Variants in SLC24A2 observed in about 807,000 individuals in gnomAD.
SLC24A2 encodes sodium/potassium/calcium exchanger 2.
In SLC24A2, 36 loss-of-function variants were observed where a neutral mutation model predicts 62.0. The observed-to-expected ratio is 0.58, with a 90% CI of 0.44 to 0.77. SLC24A2 has a LOEUF of 0.77. Among genes scored for constraint, SLC24A2 ranks in the 30% least tolerant of loss-of-function variants. SLC24A2 has a pLI of 0.00. For missense variants in SLC24A2, 846 were observed against 817.9 expected, an observed-to-expected ratio of 1.03 and a Z score of -0.42; for synonymous variants, 358 against 294.0, an observed-to-expected ratio of 1.22 and a Z score of -2.23.
chr9:19,936,419 G>T, the SLC24A2 span, among the ~76,000 whole-genome samples: 1 of 152,110 alleles, frequency 6.6e-6, no homozygotes, highest in Non-Finnish European at 1.5e-5. Flanking sequence ...GACTACAAGT[G>T]TACACCACCA....
the SLC24A2 span, among the ~76,000 whole-genome samples, chr9:20,214,989 T>C: frequency 8.5e-5 from 13 of 152,248 alleles, no homozygotes; most frequent in African/African-American, 1.9e-4. Flanking sequence ...CTAATGCATA[T>C]ATCTGTACAT....
the SLC24A2 span, among the ~76,000 whole-genome samples, chr9:20,075,762 A>G: frequency 6.6e-6 from 1 of 152,138 alleles, no homozygotes. Context: ...ACACTGCTGG[A>G]AAAAAATGGC....
chr9:19,837,924 C>G, the SLC24A2 span, among the ~76,000 whole-genome samples: 1 of 152,020 alleles, frequency 6.6e-6, no homozygotes, highest in Admixed American at 6.6e-5. Context: ...AAAGAGGTTA[C>G]AAACAAATGG....
chr9:20,178,238 G>T, the SLC24A2 span, among the ~76,000 whole-genome samples: 9,209 of 152,216 alleles, frequency 0.06, 361 homozygotes, highest in Non-Finnish European at 0.087. Context: ...TTCAGCAAGA[G>T]AAAATGTTTC....
chr9:20,104,192 G>A, the SLC24A2 span, among the ~76,000 whole-genome samples: 1 of 152,166 alleles, frequency 6.6e-6, no homozygotes, highest in Non-Finnish European at 1.5e-5. Flanking sequence ...AGAAATATGG[G>A]ACTATGTGAA....
At chr9:19,755,559 T>G (rs1177122749) in intron 2 of SLC24A2, among the ~76,000 whole-genome samples, 1 of 152,170 alleles carries the variant, frequency 6.6e-6, no homozygotes, top group African/African-American at 2.4e-5. Flanking sequence ...GAGGGGAAAT[T>G]ACAGCAAGAG....
chr9:20,024,474 A>G, the SLC24A2 span, among the ~76,000 whole-genome samples: 1 of 152,138 alleles, frequency 6.6e-6, no homozygotes, highest in African/African-American at 2.4e-5. Context: ...TTACTACCGA[A>G]TTTTTGACAA....
the SLC24A2 span, among the ~76,000 whole-genome samples, chr9:20,007,183 A>C: frequency 6.6e-6 from 1 of 152,180 alleles, no homozygotes; most frequent in African/African-American, 2.4e-5. Context: ...AACAGTTTTC[A>C]CAAGATCAAT....
the SLC24A2 span, among the ~76,000 whole-genome samples, chr9:19,993,316 T>G: frequency 1.3e-5 from 2 of 152,170 alleles, no homozygotes; most frequent in African/African-American, 2.4e-5. Context: ...ATTTAAAAAA[T>G]CAATACACTT....
chr9:20,200,800 G>A, the SLC24A2 span, among the ~76,000 whole-genome samples: 3 of 152,192 alleles, frequency 2.0e-5, no homozygotes, highest in Admixed American at 6.5e-5. Context: ...ATTGGTAGCT[G>A]TAAGGGTTGA....
the SLC24A2 span, among the ~76,000 whole-genome samples, chr9:20,243,007 T>C: frequency 2.6e-5 from 4 of 152,178 alleles, no homozygotes; most frequent in Non-Finnish European, 4.4e-5. Flanking sequence ...TGCCAAGACC[T>C]TTCTTCAATA....
the SLC24A2 span, among the ~76,000 whole-genome samples, chr9:20,240,364 A>G: frequency 6.6e-6 from 1 of 152,314 alleles, no homozygotes; most frequent in Non-Finnish European, 1.5e-5. Flanking sequence ...AGCTGGCCCT[A>G]AGGCTAAGTG....
At chr9:19,768,788 G>A (rs1460032125) in intron 2 of SLC24A2, among the ~76,000 whole-genome samples, 2 of 152,152 alleles carry the variant, frequency 1.3e-5, no homozygotes, top group Non-Finnish European at 2.9e-5. Context: ...GAAAAGGAGG[G>A]ACTACTGTGC....
rs775647494 is a variant in SLC24A2 at position 19,516,215 on chromosome 9, C to A, written c.1924G>T (p.Val642Leu). Residue 642 changes from valine (V) to leucine (L), a missense_variant, in exon 11 of 11, where the codon GTG becomes TTG. Val to Leu is a conservative substitution (Grantham distance 32). Transcript: ENST00000341998. ...LGFIMFGLYF[V>L]FLVVSVLLED... ...AGGAGAACGCTCACCACCAGGAACA[C>A]AAAGTAGAGGCCAAACATGATGAAG... 2.5e-6 allele frequency: 4 copies of A among 1,614,050 alleles called. No individual in the cohort carries two copies. The highest frequency in any genetic ancestry group is 3.4e-6 in the Non-Finnish European group (4 of 1,180,038).
chr9:20,135,528 A>T, the SLC24A2 span, among the ~76,000 whole-genome samples: 1 of 152,050 alleles, frequency 6.6e-6, no homozygotes, highest in Non-Finnish European at 1.5e-5. Context: ...GAAGATAACG[A>T]TTCTAGCACA....
the SLC24A2 span, among the ~76,000 whole-genome samples, chr9:20,234,061 C>G: frequency 1.3e-5 from 2 of 152,238 alleles, no homozygotes; most frequent in Admixed American, 6.5e-5. Context: ...GGTCCCCACT[C>G]TCTTCTGGCT....
chr9:20,252,031 A>C, the SLC24A2 span, among the ~76,000 whole-genome samples: 1 of 152,190 alleles, frequency 6.6e-6, no homozygotes. Context: ...TAGACCAATC[A>C]CTGTCAAAGG....
At chr9:20,242,308 G>A in the SLC24A2 span, among the ~76,000 whole-genome samples, 77 of 152,228 alleles carry the variant, frequency 5.1e-4, no homozygotes, top group African/African-American at 1.7e-3. Flanking sequence ...AGAAACACTC[G>A]CCACTTAAAA....
chr9:20,255,537 C>T, the SLC24A2 span, among the ~76,000 whole-genome samples: 5 of 152,194 alleles, frequency 3.3e-5, no homozygotes, highest in African/African-American at 1.2e-4. Context: ...GGAGGATCCA[C>T]TTCCAAGTTG....
Sources: gnomAD v4.1 joint callset for allele counts (sites outside exome capture counted in the v4.1 genomes callset) on GRCh38, gnomAD v4.1.1 for gene constraint, MANE v1.5 for transcripts, NCBI Gene and HGNC (gene_info 2026-07-23, HGNC 2026-07-21) for gene names.